The following SLC15A5 variants were observed in gnomAD, a reference collection of about 807,000 sequenced individuals.
SLC15A5 encodes solute carrier family 15 member 5.
Under a neutral mutation model 56.1 loss-of-function variants are expected in SLC15A5, and 58 were observed. The ratio of observed to expected loss-of-function variants is 1.03; its 90% CI spans 0.84 to 1.29. The LOEUF is 1.29. Ranked by LOEUF, SLC15A5 falls within the 50% of genes most tolerant of loss-of-function variation. The pLI is 0.00. For synonymous variants in SLC15A5, 264 were observed against 250.5 expected (o/e 1.05, Z -0.51); for missense variants, 681 against 672.1 (o/e 1.01, Z -0.15).
intron 6 of SLC15A5, among the ~76,000 whole-genome samples, chr12:16,223,216 A>G (rs1463653544): frequency 6.6e-6 from 1 of 152,218 alleles, no homozygotes; most frequent in Admixed American, 6.5e-5. Context: ...GTAGACACAG[A>G]TGGAATGGTT....
intron 2 of SLC15A5, 28 bp downstream of exon 2, chr12:16,272,533 C>G: frequency 6.5e-7 from 1 of 1,531,324 alleles, no homozygotes; most frequent in Non-Finnish European, 8.8e-7. Flanking sequence ...TCATAAGCCT[C>G]TTTTCTCTCC....
At chr12:16,257,143 G>A (rs1864584662) in intron 3 of SLC15A5, among the ~76,000 whole-genome samples, 1 of 152,052 alleles carries the variant, frequency 6.6e-6, no homozygotes, top group African/African-American at 2.4e-5. Context: ...CAGAGAGAGA[G>A]AGATTGATAA....
rs1224914653 is a variant in SLC15A5 at position 16,239,782 on chromosome 12, A to G, written c.1061T>C (p.Ile354Thr). 4 of 1,537,192 alleles carry G rather than the reference A, an allele frequency of 2.6e-6. No homozygotes were observed. In the East Asian group the frequency reaches 7.3e-5, roughly 28 times the overall value. Residue 354 changes from isoleucine (I) to threonine (T), a missense_variant, in exon 5 of 9, where the codon ATC becomes ACC. Ile to Thr is a moderately conservative substitution (Grantham distance 89). Coordinates refer to ENST00000344941, the MANE Select transcript of SLC15A5 (RefSeq NM_001170798.1). ...CAGAATTAGTAATGGTAGGCTGCTG[A>G]TGGCATTCATTACTGCAATCGGCAG... The part of the protein sequence containing the change: ...FLLPIAVMNA[I>T]SSLPLLILAP...
chr12:16,236,295 T>C lies in SLC15A5; in HGVS notation c.1162+3386A>G, dbSNP rs867202917. ...TGATAGAAGATAAATTACAATAATATCATTAGTTCTGGATTTGTAGTGAAT... is the reference window on the plus strand; with the variant it reads ...TGATAGAAGATAAATTACAATAATACCATTAGTTCTGGATTTGTAGTGAAT... On this transcript the variant is annotated intron_variant, in intron 5 of 8. Transcript: ENST00000344941. Among the ~76,000 whole-genome samples, 5 of 152,204 alleles carry C rather than the reference T, an allele frequency of 3.3e-5. No individual in the cohort carries two copies. The South Asian group carries it at 1.0e-3, about 32-fold the overall frequency.
intron 2 of SLC15A5, among the ~76,000 whole-genome samples, chr12:16,264,878 T>TTAAAC (rs1864678496): frequency 6.6e-6 from 1 of 152,210 alleles, no homozygotes. Context: ...GTAAGTCAAA[T>TTAAAC]TAAACCTCTT....
intron 5 of SLC15A5, among the ~76,000 whole-genome samples, chr12:16,228,768 C>T (rs1864267693): frequency 6.6e-6 from 1 of 152,284 alleles, no homozygotes; most frequent in Non-Finnish European, 1.5e-5. Flanking sequence ...TTCTTAATAA[C>T]ATTTCCTTCT....
chr12:16,238,074 G>T (rs570672843), intron 5 of SLC15A5, among the ~76,000 whole-genome samples: 23 of 152,202 alleles, frequency 1.5e-4, no homozygotes, highest in Middle Eastern at 3.4e-3. Context: ...TAAAGATGGG[G>T]TTACTGGCTT....
chr12:16,220,671 CA>C (rs1473350984), intron 6 of SLC15A5, among the ~76,000 whole-genome samples: 1 of 152,202 alleles, frequency 6.6e-6, no homozygotes, highest in African/African-American at 2.4e-5. Flanking sequence ...GACTGGCCTG[CA>C]AAACCATGTG....
intron 7 of SLC15A5, among the ~76,000 whole-genome samples, chr12:16,198,778 T>C (rs1863920498): frequency 6.6e-6 from 1 of 152,130 alleles, no homozygotes; most frequent in Non-Finnish European, 1.5e-5. Flanking sequence ...TTGAGAAACA[T>C]ATATCGTGAT....
At chr12:16,259,906 G>C (rs1373350374) in intron 2 of SLC15A5, among the ~76,000 whole-genome samples, 1 of 151,204 alleles carries the variant, frequency 6.6e-6, no homozygotes, top group African/African-American at 2.4e-5. Context: ...CCGGGCGGGG[G>C]GTAAGTTAGA....
At chr12:16,209,411 C>G in intron 7 of SLC15A5, among the ~76,000 whole-genome samples, 1 of 152,186 alleles carries the variant, frequency 6.6e-6, no homozygotes, top group East Asian at 1.9e-4. Context: ...ATTCTTAATA[C>G]TCACACTATG....
intron 1 of SLC15A5, among the ~76,000 whole-genome samples, chr12:16,276,856 G>A (rs1446017500): frequency 1.3e-5 from 2 of 151,962 alleles, no homozygotes; most frequent in South Asian, 2.1e-4. Flanking sequence ...GCCATCATAT[G>A]CAATCTTAAT....
chr12:16,249,533 G>A (rs1007033392), intron 3 of SLC15A5, among the ~76,000 whole-genome samples: 14 of 151,982 alleles, frequency 9.2e-5, no homozygotes, highest in African/African-American at 2.4e-5. Flanking sequence ...TATGCTAATT[G>A]TTCCTGTAGC....
chr12:16,251,502 C>A (rs1227052940), intron 3 of SLC15A5, among the ~76,000 whole-genome samples: 1 of 151,616 alleles, frequency 6.6e-6, no homozygotes, highest in Non-Finnish European at 1.5e-5. Flanking sequence ...GGAGACATTA[C>A]AAATGATGTC....
intron 8 of SLC15A5, among the ~76,000 whole-genome samples, chr12:16,193,014 T>C (rs1397739980): frequency 1.3e-5 from 2 of 152,106 alleles, no homozygotes; most frequent in Non-Finnish European, 2.9e-5. Context: ...AAGACAAGGA[T>C]CAAACCTTAC....
intron 5 of SLC15A5, among the ~76,000 whole-genome samples, chr12:16,238,992 T>TA (rs71051296): frequency 0.4 from 61,298 of 151,892 alleles, 12,915 homozygotes; most frequent in South Asian, 0.64. Flanking sequence ...ATAAGCAAAC[T>TA]AAAACAAGGA....
rs1591642173 is a variant in SLC15A5, at chr12:16,208,440, G to A, written c.1483+8453C>T. 2.6e-5 allele frequency among the ~76,000 whole-genome samples: 4 copies of A among 152,320 alleles called. No individual in the cohort carries two copies. In the East Asian group the frequency reaches 7.7e-4, roughly 29 times the overall value. On this transcript the variant is annotated intron_variant, in intron 7 of 8. Coordinates refer to ENST00000344941, the MANE Select transcript of SLC15A5 (RefSeq NM_001170798.1). The stretch of plus-strand genomic sequence containing the variant: ...ATTCCCATCTACTGGGGAGACTGAG[G>A]TGGGAGGATCTTTTGAGGCAAGGAG...
intron 2 of SLC15A5, among the ~76,000 whole-genome samples, chr12:16,264,370 A>T (rs183363540): frequency 6.6e-6 from 1 of 152,294 alleles, no homozygotes; most frequent in East Asian, 1.9e-4. Context: ...TATTTACCCA[A>T]TACCTGTACC....
At chr12:16,239,009 A>G (rs1864382748) in intron 5 of SLC15A5, among the ~76,000 whole-genome samples, 2 of 152,198 alleles carry the variant, frequency 1.3e-5, no homozygotes, top group African/African-American at 4.8e-5. Flanking sequence ...AGGAAGTTTC[A>G]GTGGCTTTTT....
Sources: allele counts gnomAD v4.1 joint callset (sites outside exome capture counted in the v4.1 genomes callset), GRCh38; gene constraint gnomAD v4.1.1; transcripts MANE v1.5; gene names NCBI Gene and HGNC (gene_info 2026-07-23, HGNC 2026-07-21).